The following AGBL4 variants were observed in gnomAD, a reference collection of about 807,000 sequenced individuals.
AGBL4 encodes cytosolic carboxypeptidase 6.
Under a neutral mutation model 66.4 loss-of-function variants are expected in AGBL4, and 58 were observed. The ratio of observed to expected loss-of-function variants is 0.87; its 90% confidence interval spans 0.71 to 1.09. The LOEUF (loss-of-function observed/expected upper bound fraction) is 1.09. Among genes scored for constraint, AGBL4 ranks in the 50% least tolerant of loss-of-function variants. AGBL4 has a pLI of 0.00. For missense variants in AGBL4, 579 were observed against 631.0 expected (o/e 0.92, Z 0.88); for synonymous variants, 234 against 222.9 (o/e 1.05, Z -0.44).
intron 4 of AGBL4, among the ~76,000 whole-genome samples, chr1:49,242,386 T>C (rs753829570): frequency 2.6e-5 from 4 of 151,992 alleles, no homozygotes; most frequent in Admixed American, 6.6e-5. Flanking sequence ...CTTCTTTTTG[T>C]CTCCTTCTTC....
intron 6 of AGBL4, among the ~76,000 whole-genome samples, chr1:48,843,116 T>C (rs931131720): frequency 6.6e-6 from 1 of 152,120 alleles, no homozygotes; most frequent in Non-Finnish European, 1.5e-5. Flanking sequence ...TGTTAAGTAA[T>C]TTTACTTAAC....
At chr1:48,695,503 T>C (rs918624820) in intron 6 of AGBL4, among the ~76,000 whole-genome samples, 3 of 152,208 alleles carry the variant, frequency 2.0e-5, no homozygotes, top group African/African-American at 7.2e-5. Context: ...CACAATGGCC[T>C]CAGGACTTCA....
intron 3 of AGBL4, among the ~76,000 whole-genome samples, chr1:49,355,037 T>C (rs953143869): frequency 6.6e-6 from 1 of 152,010 alleles, no homozygotes; most frequent in Non-Finnish European, 1.5e-5. Context: ...ATCTTTGGGA[T>C]GAGGAAGGGA....
At chr1:48,718,751 C>A (rs1647094239) in intron 6 of AGBL4, among the ~76,000 whole-genome samples, 1 of 152,092 alleles carries the variant, frequency 6.6e-6, no homozygotes. Context: ...GAGTAGGGAC[C>A]TTTGCACACA....
At chr1:48,815,225 C>A (rs776648061) in intron 6 of AGBL4, among the ~76,000 whole-genome samples, 5 of 152,084 alleles carry the variant, frequency 3.3e-5, no homozygotes, top group Non-Finnish European at 7.4e-5. Flanking sequence ...ATCATTTGCT[C>A]ATCTTTTGTT....
At chr1:50,022,111 A>C (rs751264558) in intron 1 of AGBL4, among the ~76,000 whole-genome samples, 2 of 152,130 alleles carry the variant, frequency 1.3e-5, no homozygotes, top group Non-Finnish European at 2.9e-5. Flanking sequence ...ACTTCCAGAC[A>C]ATATCAGTAA....
chr1:48,907,206 A>C (rs1652682534), intron 5 of AGBL4, among the ~76,000 whole-genome samples: 1 of 152,208 alleles, frequency 6.6e-6, no homozygotes. Context: ...TTTAAGTGAA[A>C]AATTTTAAGT....
chr1:48,583,351 AC>A (rs1644768644), intron 11 of AGBL4, among the ~76,000 whole-genome samples: 1 of 152,118 alleles, frequency 6.6e-6, no homozygotes, highest in South Asian at 2.1e-4. Context: ...CTTTAACCTC[AC>A]TGCAACTCGG....
At chr1:48,861,047 A>C (rs969979254) in intron 6 of AGBL4, among the ~76,000 whole-genome samples, 1 of 152,228 alleles carries the variant, frequency 6.6e-6, no homozygotes, top group African/African-American at 2.4e-5. Context: ...CAGAACAGGC[A>C]GAAATAAAAC....
At chr1:48,726,025 T>C (rs1416699827) in intron 6 of AGBL4, among the ~76,000 whole-genome samples, 1 of 152,184 alleles carries the variant, frequency 6.6e-6, no homozygotes, top group African/African-American at 2.4e-5. Context: ...TTAGGGATCA[T>C]TCTCTCCACA....
At chr1:48,748,068 GC>G (rs1226403674) in intron 6 of AGBL4, among the ~76,000 whole-genome samples, 1 of 152,142 alleles carries the variant, frequency 6.6e-6, no homozygotes, top group Non-Finnish European at 1.5e-5. Flanking sequence ...CAGAACATCT[GC>G]TGTGGCACAC....
chr1:49,040,487 AAAGAT>A (rs1296249735), intron 5 of AGBL4, among the ~76,000 whole-genome samples: 4 of 152,204 alleles, frequency 2.6e-5, no homozygotes, highest in African/African-American at 9.6e-5. Flanking sequence ...ATGTCCACTC[AAAGAT>A]AAGTACATGA....
At chr1:49,649,936 C>A (rs913280326) in intron 3 of AGBL4, among the ~76,000 whole-genome samples, 1 of 151,918 alleles carries the variant, frequency 6.6e-6, no homozygotes, top group Non-Finnish European at 1.5e-5. Flanking sequence ...ATATTTTGAA[C>A]TTAATAAAAA....
At chr1:48,547,039 G>A (rs1485728143) in intron 11 of AGBL4, among the ~76,000 whole-genome samples, 12 of 152,110 alleles carry the variant, frequency 7.9e-5, no homozygotes, top group Admixed American at 7.9e-4. Context: ...CTAAGAAGAG[G>A]GAAGGGTGTC....
Position 48,546,742 on chromosome 1 carries a change from T to TAA in AGBL4, c.1268-7005_1268-7004insTT, listed in dbSNP as rs1347948312. ...TATTTAATATCATCTACTATGTTTA[T>TAA]TATGTTCAGGCTTTTTGGAAGGCTC... On this transcript the variant is annotated intron_variant, in intron 11 of 13. Transcript: ENST00000371839. 2.6e-5 allele frequency among the ~76,000 whole-genome samples: 4 copies of TAA among 152,108 alleles called. No homozygotes were observed. The East Asian group carries it at 7.7e-4, about 29-fold the overall frequency.
intron 3 of AGBL4, among the ~76,000 whole-genome samples, chr1:49,576,935 G>T (rs1271085979): frequency 6.6e-6 from 1 of 152,184 alleles, no homozygotes; most frequent in East Asian, 1.9e-4. Context: ...AGTGGTGAAG[G>T]GAAATCTTCC....
intron 3 of AGBL4, among the ~76,000 whole-genome samples, chr1:49,690,786 C>T (rs549193985): frequency 6.6e-6 from 1 of 152,244 alleles, no homozygotes; most frequent in African/African-American, 2.4e-5. Context: ...ACATTTGCTG[C>T]ACTGTTCCTA....
intron 3 of AGBL4, among the ~76,000 whole-genome samples, chr1:49,510,009 A>G (rs543372580): frequency 6.6e-6 from 1 of 152,138 alleles, no homozygotes; most frequent in South Asian, 2.1e-4. Flanking sequence ...CTAATTGTAC[A>G]TTGTCAGTGA....
chr1:49,028,245 G>A (rs1340300126), intron 5 of AGBL4, among the ~76,000 whole-genome samples: 2 of 152,106 alleles, frequency 1.3e-5, no homozygotes, highest in African/African-American at 4.8e-5. Flanking sequence ...ACACTTCAGG[G>A]GGCAGAGCAG....
Sources: gnomAD v4.1 joint callset for allele counts (sites outside exome capture counted in the v4.1 genomes callset) on GRCh38, gnomAD v4.1.1 for gene constraint, MANE v1.5 for transcripts, NCBI Gene and HGNC (gene_info 2026-07-23, HGNC 2026-07-21) for gene names.